Variants in NIBAN1 observed in about 807,000 individuals in gnomAD.
NIBAN1 encodes the protein niban apoptosis regulator 1.
In NIBAN1, 81 loss-of-function variants were observed where a neutral mutation model predicts 75.1. The ratio of observed to expected loss-of-function variants is 1.08; its 90% CI spans 0.90 to 1.30. The LOEUF (loss-of-function observed/expected upper bound fraction) is 1.30, where lower values mean the gene tolerates loss of function less well. NIBAN1 is among the 50% of genes most tolerant of loss of function. The probability of loss-of-function intolerance (pLI) is 0.00; values close to 1 mark genes in which losing one functional copy is unlikely to be tolerated. For synonymous variants in NIBAN1, 436 were observed against 424.8 expected, an observed-to-expected ratio of 1.03 and a Z score of -0.32; for missense variants, 1,133 against 1,128.1, an observed-to-expected ratio of 1.00 and a Z score of -0.06.
intron 1 of NIBAN1, among the ~76,000 whole-genome samples, chr1:184,953,995 G>A (rs906687249): frequency 3.3e-5 from 5 of 152,210 alleles, no homozygotes; most frequent in African/African-American, 1.2e-4. Context: ...GATTCAAGGA[G>A]CACTTCATTA....
chr1:184,913,448 T>C (rs1299832013), intron 1 of NIBAN1, among the ~76,000 whole-genome samples: 2 of 152,230 alleles, frequency 1.3e-5, no homozygotes, highest in East Asian at 3.9e-4. Context: ...CTCACGTACC[T>C]GAGCTCATGC....
chr1:184,803,023 G>A (rs571756125), intron 12 of NIBAN1, among the ~76,000 whole-genome samples: 1 of 152,316 alleles, frequency 6.6e-6, no homozygotes, highest in East Asian at 1.9e-4. Flanking sequence ...TACAGATGAA[G>A]TCACACCCTC....
intron 5 of NIBAN1, among the ~76,000 whole-genome samples, chr1:184,875,567 T>G (rs1656210624): frequency 6.6e-6 from 1 of 152,228 alleles, no homozygotes; most frequent in Non-Finnish European, 1.5e-5. Context: ...ATGATTCTTT[T>G]TGGTGACCTA....
intron 1 of NIBAN1, among the ~76,000 whole-genome samples, chr1:184,945,124 TCTA>T (rs1658189270): frequency 6.6e-6 from 1 of 152,222 alleles, no homozygotes; most frequent in Admixed American, 6.5e-5. Flanking sequence ...ATGGGAAACT[TCTA>T]CTGCGTTTGA....
chr1:184,906,113 C>G (rs1372620212), intron 1 of NIBAN1, among the ~76,000 whole-genome samples: 1 of 151,332 alleles, frequency 6.6e-6, no homozygotes, highest in Non-Finnish European at 1.5e-5. Context: ...TGGTGATGCA[C>G]ACCTGTAGTT....
chr1:184,938,862 G>C (rs900528962), intron 1 of NIBAN1, among the ~76,000 whole-genome samples: 1 of 152,114 alleles, frequency 6.6e-6, no homozygotes, highest in African/African-American at 2.4e-5. Context: ...TATTACTAGG[G>C]CTTGCTCCAG....
intron 2 of NIBAN1, among the ~76,000 whole-genome samples, chr1:184,897,454 G>C (rs937922933): frequency 4.6e-5 from 7 of 151,934 alleles, no homozygotes; most frequent in Non-Finnish European, 1.0e-4. Context: ...CCATTTTGCT[G>C]GATCCTTCTC....
At chr1:184,970,460 C>G (rs1658908326) in intron 1 of NIBAN1, among the ~76,000 whole-genome samples, 1 of 152,154 alleles carries the variant, frequency 6.6e-6, no homozygotes, top group Admixed American at 6.5e-5. Flanking sequence ...TCCACCTTGC[C>G]CATGGAGACT....
At chr1:184,917,902 A>C (rs1657436852) in intron 1 of NIBAN1, among the ~76,000 whole-genome samples, 1 of 151,714 alleles carries the variant, frequency 6.6e-6, no homozygotes, top group South Asian at 2.1e-4. Context: ...CCCTGAATCC[A>C]TTGTTCTCAG....
chr1:184,937,299 C>G (rs1030974278), intron 1 of NIBAN1, among the ~76,000 whole-genome samples: 1 of 151,816 alleles, frequency 6.6e-6, no homozygotes. Context: ...CTAGCTGGGA[C>G]TATAGGTGTG....
intron 9 of NIBAN1, among the ~76,000 whole-genome samples, chr1:184,809,233 T>C (rs1654296744): frequency 2.0e-5 from 3 of 152,206 alleles, no homozygotes; most frequent in African/African-American, 7.2e-5. Context: ...GCTCCCTTTA[T>C]GAAGTGAGTT....
At chr1:184,800,828 G>A (rs1194294364) in intron 12 of NIBAN1, among the ~76,000 whole-genome samples, 1 of 152,186 alleles carries the variant, frequency 6.6e-6, no homozygotes, top group East Asian at 1.9e-4. Context: ...GTAGATGTAT[G>A]CTTAACTTTA....
intron 1 of NIBAN1, among the ~76,000 whole-genome samples, chr1:184,963,455 A>G (rs1448364789): frequency 2.6e-5 from 4 of 152,150 alleles, no homozygotes; most frequent in Non-Finnish European, 5.9e-5. Flanking sequence ...ATGAGGTATA[A>G]AGATTTAAAA....
intron 5 of NIBAN1, among the ~76,000 whole-genome samples, chr1:184,838,886 G>A (rs1045093186): frequency 6.6e-6 from 1 of 152,182 alleles, no homozygotes; most frequent in Non-Finnish European, 1.5e-5. Context: ...ATTTGTGAAA[G>A]TTATGTAACA....
At chr1:184,973,117 C>T (rs1658980686) in intron 1 of NIBAN1, among the ~76,000 whole-genome samples, 1 of 152,124 alleles carries the variant, frequency 6.6e-6, no homozygotes, top group South Asian at 2.1e-4. Context: ...ATAAATCATC[C>T]GTCTTTTCCC....
intron 1 of NIBAN1, among the ~76,000 whole-genome samples, chr1:184,953,013 T>G (rs1381204141): frequency 6.6e-6 from 1 of 152,250 alleles, no homozygotes; most frequent in Non-Finnish European, 1.5e-5. Context: ...CTAAGGATTT[T>G]GAAGAAAAGT....
intron 5 of NIBAN1, among the ~76,000 whole-genome samples, chr1:184,862,177 C>G (rs1250327601): frequency 6.6e-6 from 1 of 152,170 alleles, no homozygotes; most frequent in Non-Finnish European, 1.5e-5. Flanking sequence ...CCTTGTTTAT[C>G]TCCGAATGCT....
chr1:184,874,013 G>T (rs1656174100), intron 5 of NIBAN1, among the ~76,000 whole-genome samples: 1 of 151,998 alleles, frequency 6.6e-6, no homozygotes, highest in Non-Finnish European at 1.5e-5. Flanking sequence ...AGTGGAGAGG[G>T]GTGTTAAAGG....
At chr1:184,814,163 T>G (rs1278755412) in intron 9 of NIBAN1, among the ~76,000 whole-genome samples, 1 of 152,198 alleles carries the variant, frequency 6.6e-6, no homozygotes, top group Non-Finnish European at 1.5e-5. Flanking sequence ...CTGTAAGAGA[T>G]TCTATGTGTG....
Sources: gnomAD v4.1 joint callset for allele counts (sites outside exome capture counted in the v4.1 genomes callset) on GRCh38, gnomAD v4.1.1 for gene constraint, MANE v1.5 for transcripts, NCBI Gene and HGNC (gene_info 2026-07-23, HGNC 2026-07-21) for gene names.